The following CCDC171 variants were observed in gnomAD, a reference collection of about 807,000 sequenced individuals.
CCDC171 encodes coiled-coil domain containing 171.
A neutral mutation model predicts 168.2 loss-of-function variants in CCDC171; 177 were observed. That is an observed-to-expected ratio of 1.05 (90% CI 0.93 to 1.19). The LOEUF (loss-of-function observed/expected upper bound fraction) is 1.19. Ranked by LOEUF, CCDC171 falls within the 50% of genes most tolerant of loss-of-function variation. The probability of loss-of-function intolerance (pLI) is 0.00; values close to 1 mark genes in which losing one functional copy is unlikely to be tolerated. For synonymous variants in CCDC171, 687 were observed against 540.8 expected (o/e 1.27, Z -3.75); for missense variants, 1,991 against 1,539.0 (o/e 1.29, Z -4.91).
chr9:15,953,146 T>G (rs1320668662), intron 25 of CCDC171, among the ~76,000 whole-genome samples: 1 of 152,194 alleles, frequency 6.6e-6, no homozygotes, highest in Non-Finnish European at 1.5e-5. Context: ...TTTCACTTCT[T>G]CTTTTCCAAT....
intron 5 of CCDC171, among the ~76,000 whole-genome samples, 156 bp downstream of exon 5, chr9:15,591,712 T>G (rs2042022296): frequency 6.6e-6 from 1 of 152,008 alleles, no homozygotes; most frequent in Non-Finnish European, 1.5e-5. Context: ...TATTTGCTGG[T>G]CTCTTTTGGA....
intron 10 of CCDC171, among the ~76,000 whole-genome samples, chr9:15,689,518 C>T (rs2050637928): frequency 6.6e-6 from 1 of 152,130 alleles, no homozygotes; most frequent in African/African-American, 2.4e-5. Flanking sequence ...CGAGACCAGC[C>T]TGGCCAACAT....
intron 8 of CCDC171, among the ~76,000 whole-genome samples, chr9:15,662,282 C>G (rs1564161754): frequency 6.6e-6 from 1 of 151,824 alleles, no homozygotes; most frequent in Non-Finnish European, 1.5e-5. Flanking sequence ...GTCCCCATCC[C>G]CCCTCCCCCC....
At chr9:16,089,391 A>T in the CCDC171 span, among the ~76,000 whole-genome samples, 1 of 151,982 alleles carries the variant, frequency 6.6e-6, no homozygotes, top group Non-Finnish European at 1.5e-5. Context: ...ATTAGATCCC[A>T]TCTGTCAATT....
chr9:15,932,365 A>G (rs751660486), intron 25 of CCDC171, among the ~76,000 whole-genome samples: 16 of 151,840 alleles, frequency 1.1e-4, no homozygotes, highest in Admixed American at 8.6e-4. Context: ...TTACTTTTTT[A>G]TAGCTATTGT....
the CCDC171 span, among the ~76,000 whole-genome samples, chr9:16,072,319 C>G: frequency 6.6e-6 from 1 of 152,188 alleles, no homozygotes; most frequent in Non-Finnish European, 1.5e-5. Context: ...CTGACCCTAA[C>G]TTACCTATGC....
chr9:15,882,211 A>G (rs537733363), intron 24 of CCDC171, among the ~76,000 whole-genome samples: 1 of 152,278 alleles, frequency 6.6e-6, no homozygotes, highest in South Asian at 2.1e-4. Flanking sequence ...TATTCTTTTC[A>G]TATACTGTTG....
In CCDC171 at chr9:15,594,193, T is replaced by C. The variant is rs111831484; in HGVS notation, c.675+21T>C. 4 of 1,196,496 alleles carry C rather than the reference T, an allele frequency of 3.3e-6. No homozygotes were observed. The African/African-American group carries it at 4.7e-5, about 14-fold the overall frequency. 74.1% of individuals were successfully genotyped at this position (1,196,496 alleles called of 1,614,324 possible). On this transcript the variant is annotated intron_variant, in intron 6 of 25. Transcript: ENST00000380701. ...TACAGGTATTTTAAAAATAATCAGT[T>C]CCTTAAATATATATTTTTAATGCTT...
rs1262242003 is a variant in CCDC171, at chr9:15,784,664, C to T, written c.3237C>T (p.Asp1079=). 3.7e-6 allele frequency: 6 copies of T among 1,612,256 alleles called. No individual in the cohort carries two copies. The East Asian group carries it at 1.3e-4, about 36-fold the overall frequency. The change falls in exon 21 of 26, where the codon GAC becomes GAT. Residue 1079 remains aspartate, a synonymous_variant. Transcript: ENST00000380701. ...AATTGCACTCCAGTGAGGAAGCTGACAAAAACCAAACTCTTGGAGAAGCTG... is the reference window on the plus strand; with the variant it reads ...AATTGCACTCCAGTGAGGAAGCTGATAAAAACCAAACTCTTGGAGAAGCTG... ...KLELHSSEEA[D]KNQTLGEAVK...
At chr9:15,572,469 A>G (rs768370557) in intron 3 of CCDC171, among the ~76,000 whole-genome samples, 7 of 152,178 alleles carry the variant, frequency 4.6e-5, no homozygotes, top group Non-Finnish European at 1.0e-4. Flanking sequence ...TTTATCCTGT[A>G]CACCATTGGT....
chr9:15,810,758 C>T (rs979339875), intron 21 of CCDC171, among the ~76,000 whole-genome samples: 2 of 152,218 alleles, frequency 1.3e-5, no homozygotes, highest in Non-Finnish European at 2.9e-5. Flanking sequence ...GTGCTGCGCG[C>T]AGCCCTGGTT....
chr9:15,667,345 C>G (rs924824640), intron 9 of CCDC171, among the ~76,000 whole-genome samples: 1 of 151,952 alleles, frequency 6.6e-6, no homozygotes, highest in East Asian at 1.9e-4. Flanking sequence ...TATAAAGATC[C>G]CTTTTAAAAT....
At chr9:15,792,116 A>T (rs2135607737) in intron 21 of CCDC171, among the ~76,000 whole-genome samples, 1 of 152,372 alleles carries the variant, frequency 6.6e-6, no homozygotes, top group South Asian at 2.1e-4. Context: ...ACCAATGCAG[A>T]GAAGTCCTTA....
At chr9:15,620,260 A>T (rs868232817) in intron 6 of CCDC171, among the ~76,000 whole-genome samples, 24 of 152,220 alleles carry the variant, frequency 1.6e-4, no homozygotes, top group African/African-American at 5.8e-4. Flanking sequence ...GGATCTAGGC[A>T]AATTAAATTG....
chr9:15,618,343 C>A (rs2044246862), intron 6 of CCDC171, among the ~76,000 whole-genome samples: 1 of 152,172 alleles, frequency 6.6e-6, no homozygotes, highest in Non-Finnish European at 1.5e-5. Context: ...CTACGAAAGC[C>A]TCAGTAATGG....
intron 25 of CCDC171, among the ~76,000 whole-genome samples, chr9:15,932,766 A>T (rs1038882976): frequency 6.6e-6 from 1 of 151,926 alleles, no homozygotes; most frequent in African/African-American, 2.4e-5. Context: ...TATTGTTTTG[A>T]GGTACATACC....
chr9:15,960,461 A>G (rs1830232061), intron 25 of CCDC171, among the ~76,000 whole-genome samples: 1 of 152,194 alleles, frequency 6.6e-6, no homozygotes, highest in African/African-American at 2.4e-5. Context: ...CATAGGGAAA[A>G]TTTATCATAT....
At chr9:15,581,113 T>A (rs1247493565) in intron 4 of CCDC171, among the ~76,000 whole-genome samples, 1 of 152,168 alleles carries the variant, frequency 6.6e-6, no homozygotes, top group Non-Finnish European at 1.5e-5. Flanking sequence ...GTGCAAAAAT[T>A]GCAAGCATTC....
At chr9:15,666,436 T>C (rs1487135350) in intron 9 of CCDC171, 113 bp downstream of exon 9, 4 of 675,720 alleles carry the variant, frequency 5.9e-6, no homozygotes, top group Non-Finnish European at 9.5e-6. Context: ...ATGTCAGTGG[T>C]AGACTGGGGC....
Sources: allele counts gnomAD v4.1 joint callset (sites outside exome capture counted in the v4.1 genomes callset), GRCh38; gene constraint gnomAD v4.1.1; transcripts MANE v1.5; gene names NCBI Gene and HGNC (gene_info 2026-07-23, HGNC 2026-07-21).